Variants in NFKB1 observed in about 807,000 individuals in gnomAD.
NFKB1 encodes nuclear factor kappa B subunit 1, also known as nuclear factor NF-kappa-B p105 subunit.
A neutral mutation model predicts 105.1 loss-of-function variants in NFKB1; 9 were observed. The ratio of observed to expected loss-of-function variants is 0.09; its 90% CI spans 0.05 to 0.15. The LOEUF (loss-of-function observed/expected upper bound fraction) is 0.15, where lower values mean the gene tolerates loss of function less well. NFKB1 is among the 10% of genes least tolerant of loss of function. The probability of loss-of-function intolerance (pLI) is 1.00; values close to 1 mark genes in which losing one functional copy is unlikely to be tolerated. For synonymous variants in NFKB1, 440 were observed against 442.2 expected, an observed-to-expected ratio of 1.00 and a Z score of 0.06; for missense variants, 830 against 1,203.7, an observed-to-expected ratio of 0.69 and a Z score of 4.59.
Position 102,515,097 on chromosome 4 carries a change from T to C in NFKB1, c.-7-10415T>C, listed in dbSNP as rs561878376. On this transcript the variant is annotated intron_variant, in intron 1 of 23. Coordinates refer to ENST00000226574, the MANE Select transcript of NFKB1 (RefSeq NM_003998.4). ...TCAGTCCAGTTCCATGTAATATTAT[T>C]ATTATTATTATTTTTTTTTTTTTTT... 2.4e-5 allele frequency among the ~76,000 whole-genome samples: 3 copies of C among 122,526 alleles called. No individual in the cohort carries two copies. The South Asian group carries it at 7.4e-4, about 30-fold the overall frequency. 80.4% of individuals were successfully genotyped at this position (122,526 alleles called of 152,430 possible).
chr4:102,615,517 G>A (rs567625712), intron 23 of NFKB1, among the ~76,000 whole-genome samples: 6 of 152,158 alleles, frequency 3.9e-5, no homozygotes, highest in Non-Finnish European at 5.9e-5. Context: ...TAATGTATCC[G>A]CCGGAAAACA....
intron 10 of NFKB1, among the ~76,000 whole-genome samples, chr4:102,583,442 C>G (rs1040362820): frequency 7.2e-5 from 11 of 152,196 alleles, no homozygotes; most frequent in African/African-American, 2.4e-4. Context: ...GGGCAAGGTT[C>G]TGTTAGATCG....
intron 1 of NFKB1, among the ~76,000 whole-genome samples, chr4:102,515,900 A>T (rs1479606510): frequency 6.6e-6 from 1 of 152,170 alleles, no homozygotes; most frequent in Non-Finnish European, 1.5e-5. Flanking sequence ...AGCATGAAGA[A>T]CTTCTTTTTA....
chr4:102,559,575 G>A (rs1723236791), intron 5 of NFKB1, among the ~76,000 whole-genome samples: 1 of 151,866 alleles, frequency 6.6e-6, no homozygotes, highest in Non-Finnish European at 1.5e-5. Flanking sequence ...TTGAAGATTT[G>A]AATTAATATT....
intron 1 of NFKB1, among the ~76,000 whole-genome samples, chr4:102,505,913 A>G (rs960796228): frequency 3.3e-5 from 5 of 152,304 alleles, no homozygotes; most frequent in Admixed American, 2.6e-4. Flanking sequence ...TCTATAAGGA[A>G]CAAAAATTAC....
chr4:102,502,559 AC>A (rs1739160269), intron 1 of NFKB1, among the ~76,000 whole-genome samples: 1 of 152,224 alleles, frequency 6.6e-6, no homozygotes, highest in African/African-American at 2.4e-5. Flanking sequence ...GGACAGTGCC[AC>A]CATGCATTAT....
chr4:102,502,539 T>A, intron 1 of NFKB1, among the ~76,000 whole-genome samples: 1 of 152,168 alleles, frequency 6.6e-6, no homozygotes, highest in East Asian at 1.9e-4. Flanking sequence ...CTTGATTATG[T>A]AAAACTCTTG....
rs367567792 is a variant in NFKB1 at position 102,584,845 on chromosome 4, T to C, written c.1066+25T>C. On this transcript the variant is annotated intron_variant, in intron 11 of 23. Coordinates refer to ENST00000226574, the MANE Select transcript of NFKB1 (RefSeq NM_003998.4). The stretch of plus-strand genomic sequence containing the variant: ...GGTAAGTCAGTTGTTTAAAATCTTA[T>C]GCTCATATTTTATTTTATTTTATTT... 5 of 1,566,964 alleles carry C rather than the reference T, an allele frequency of 3.2e-6. No individual in the cohort carries two copies. The African/African-American group carries it at 6.9e-5, about 22-fold the overall frequency.
At chr4:102,568,918 G>A (rs1291481778) in intron 6 of NFKB1, among the ~76,000 whole-genome samples, 2 of 152,074 alleles carry the variant, frequency 1.3e-5, no homozygotes, top group African/African-American at 4.8e-5. Context: ...TCATTATGAT[G>A]TCTGGTTGTA....
At chr4:102,596,946 A>G (rs1476153485) in intron 14 of NFKB1, among the ~76,000 whole-genome samples, 1 of 152,100 alleles carries the variant, frequency 6.6e-6, no homozygotes, top group Non-Finnish European at 1.5e-5. Flanking sequence ...CCCTTTAAAA[A>G]TGTATAAGCC....
chr4:102,548,098 C>G (rs747978389), intron 5 of NFKB1, among the ~76,000 whole-genome samples: 2 of 152,016 alleles, frequency 1.3e-5, no homozygotes, highest in Non-Finnish European at 2.9e-5. Flanking sequence ...GCACACAGCA[C>G]TCCAGGGAAG....
intron 16 of NFKB1, among the ~76,000 whole-genome samples, chr4:102,605,944 G>C (rs991329201): frequency 1.3e-5 from 2 of 152,162 alleles, no homozygotes; most frequent in African/African-American, 4.8e-5. Flanking sequence ...AATTTCTTCA[G>C]TGAAAACATA....
At chr4:102,516,877 T>A (rs1426121579) in intron 1 of NFKB1, among the ~76,000 whole-genome samples, 1 of 152,192 alleles carries the variant, frequency 6.6e-6, no homozygotes, top group African/African-American at 2.4e-5. Flanking sequence ...GAGTAGCCCT[T>A]ATTTTAGGAT....
In NFKB1 at chr4:102,608,437, G is replaced by A. The variant is rs1297587090; in HGVS notation, c.2227+686G>A. Among the ~76,000 whole-genome samples the A allele has an allele frequency of 2.6e-5, 4 of 152,214 alleles. 1 individual carries two copies. Among genetic ancestry groups the A allele is most frequent in the African/African-American group, 9.7e-5 (4 of 41,446 alleles). On this transcript the variant is annotated intron_variant, in intron 19 of 23. Transcript: ENST00000226574. ...GAGCTATGAATCACACTTCGGCAGT[G>A]TGAACTTCAAGACTTTATTCTCTGT...
chr4:102,602,429 A>G (rs1398003479), intron 16 of NFKB1, among the ~76,000 whole-genome samples: 1 of 151,122 alleles, frequency 6.6e-6, no homozygotes, highest in Non-Finnish European at 1.5e-5. Context: ...AGTCCCAGCT[A>G]CTCGGGAGGC....
intron 15 of NFKB1, 36 bp downstream of exon 15, chr4:102,597,697 G>T (rs1231988782): frequency 1.3e-6 from 2 of 1,593,370 alleles, no homozygotes; most frequent in African/African-American, 1.3e-5. Flanking sequence ...GTTGTCCTGG[G>T]TGGGGAAGAA....
At chr4:102,546,007 C>CT (rs1422359635) in intron 5 of NFKB1, among the ~76,000 whole-genome samples, 1 of 152,034 alleles carries the variant, frequency 6.6e-6, no homozygotes, top group East Asian at 1.9e-4. Context: ...AATCCCAACA[C>CT]TTTTGGGAGG....
At chr4:102,615,283 T>C (rs1180830433) in intron 23 of NFKB1, among the ~76,000 whole-genome samples, 1 of 152,242 alleles carries the variant, frequency 6.6e-6, no homozygotes, top group African/African-American at 2.4e-5. Context: ...TAAACATTGC[T>C]GTGGAAGCTC....
intron 9 of NFKB1, among the ~76,000 whole-genome samples, chr4:102,582,441 A>G (rs1725383654): frequency 6.6e-6 from 1 of 152,218 alleles, no homozygotes; most frequent in Non-Finnish European, 1.5e-5. Flanking sequence ...TATATGAAGC[A>G]CTTAGAATAG....
Sources: gnomAD v4.1 joint callset for allele counts (sites outside exome capture counted in the v4.1 genomes callset) on GRCh38, gnomAD v4.1.1 for gene constraint, MANE v1.5 for transcripts, NCBI Gene and HGNC (gene_info 2026-07-23, HGNC 2026-07-21) for gene names.